The following SLCO5A1 variants were observed in gnomAD, a reference collection of about 807,000 sequenced individuals.
The protein encoded by SLCO5A1 is solute carrier organic anion transporter family member 5A1, also known as organic anion transporter polypeptide-related protein 4.
Under a neutral mutation model 65.1 loss-of-function variants are expected in SLCO5A1, and 39 were observed. That is an observed-to-expected ratio of 0.60 (90% CI 0.46 to 0.78). The LOEUF is 0.78. Among genes scored for constraint, SLCO5A1 ranks in the 30% least tolerant of loss-of-function variants. SLCO5A1 has a pLI of 0.00. For missense variants in SLCO5A1, 1,029 were observed against 1,069.4 expected, an observed-to-expected ratio of 0.96 and a Z score of 0.53; for synonymous variants, 438 against 415.7, an observed-to-expected ratio of 1.05 and a Z score of -0.65.
At chr8:69,685,173 T>A (rs1054995665) in intron 6 of SLCO5A1, among the ~76,000 whole-genome samples, 4 of 152,252 alleles carry the variant, frequency 2.6e-5, no homozygotes, top group Non-Finnish European at 5.9e-5. Flanking sequence ...GTGATCATGG[T>A]ACACACACAA....
chr8:69,802,030 C>T (rs754563906), intron 2 of SLCO5A1, among the ~76,000 whole-genome samples: 5 of 152,154 alleles, frequency 3.3e-5, no homozygotes, highest in Non-Finnish European at 4.4e-5. Flanking sequence ...GAGAGTAGGA[C>T]TTGCTAGATT....
chr8:69,827,556 G>A (rs1226312879), intron 2 of SLCO5A1, among the ~76,000 whole-genome samples: 6 of 152,180 alleles, frequency 3.9e-5, no homozygotes, highest in East Asian at 3.9e-4. Flanking sequence ...TGGTTTTTAC[G>A]TTGCTGCAGA....
rs1305972675 is a variant in SLCO5A1, at chr8:69,671,205, T to G, written c.*1664A>C. ...AACCAAGAGAACTGTTTGACCAATG[T>G]CATTCCTAGGAAGAGAGGGAAACAG... On this transcript the variant is annotated 3_prime_UTR_variant, in exon 10 of 10. Transcript: ENST00000260126. 1 of 152,192 alleles carries G rather than the reference T, an allele frequency of 6.6e-6. No individual in the cohort carries two copies. Among genetic ancestry groups the G allele is most frequent in the African/African-American group, 2.4e-5 (1 of 41,426 alleles). The allele number at this position is 152,192 out of a possible 1,614,324, so 9.4% of individuals were successfully genotyped here. A position where few individuals can be genotyped will look rare whatever the true frequency, so the allele number is the denominator to read the frequency against.
intron 2 of SLCO5A1, among the ~76,000 whole-genome samples, chr8:69,767,092 A>G (rs1818091871): frequency 6.6e-6 from 1 of 152,128 alleles, no homozygotes; most frequent in Non-Finnish European, 1.5e-5. Flanking sequence ...TTACACCTTC[A>G]TTGGTTTTCT....
At chr8:69,826,970 T>A (rs570157851) in intron 2 of SLCO5A1, among the ~76,000 whole-genome samples, 2,595 of 151,638 alleles carry the variant, frequency 0.017, 73 homozygotes, top group African/African-American at 0.057. Context: ...TGCAGCCATA[T>A]AAAATGATGA....
At chr8:69,827,306 A>T (rs1237233739) in intron 2 of SLCO5A1, among the ~76,000 whole-genome samples, 3 of 151,964 alleles carry the variant, frequency 2.0e-5, no homozygotes, top group African/African-American at 4.8e-5. Context: ...ATAATATTTA[A>T]AAAAAGAGAA....
rs1245377994 is a variant in SLCO5A1, at chr8:69,710,944, T to C, written c.1424-5715A>G. Among the ~76,000 whole-genome samples, 7 of 152,190 alleles carry C rather than the reference T, an allele frequency of 4.6e-5. No individual in the cohort carries two copies. In the East Asian group the frequency reaches 1.4e-3, roughly 30 times the overall value. ...ATCAGAGAAAGATCCGAAGTTTGCT[T>C]TGGGGAATTATACGCGTCTTGGGAC... On this transcript the variant is annotated intron_variant, in intron 5 of 9. Coordinates refer to ENST00000260126, the MANE Select transcript of SLCO5A1 (RefSeq NM_030958.3).
intron 5 of SLCO5A1, among the ~76,000 whole-genome samples, chr8:69,724,280 C>A (rs1167806827): frequency 6.6e-6 from 1 of 152,120 alleles, no homozygotes; most frequent in Non-Finnish European, 1.5e-5. Flanking sequence ...AATAATGTAT[C>A]ACTGAATAAT....
chr8:69,806,542 C>T (rs963052769), intron 2 of SLCO5A1, among the ~76,000 whole-genome samples: 1 of 152,098 alleles, frequency 6.6e-6, no homozygotes, highest in African/African-American at 2.4e-5. Context: ...GTTATTATGC[C>T]TAAATTAACA....
chr8:69,710,743 C>G (rs753187084), intron 5 of SLCO5A1, among the ~76,000 whole-genome samples: 27 of 152,284 alleles, frequency 1.8e-4, no homozygotes, highest in Non-Finnish European at 3.8e-4. Flanking sequence ...TCCTAATTAG[C>G]ATTAGGCTCT....
chr8:69,757,161 C>T (rs1026454257), intron 3 of SLCO5A1, among the ~76,000 whole-genome samples: 4 of 152,130 alleles, frequency 2.6e-5, no homozygotes, highest in African/African-American at 9.7e-5. Context: ...ATTTAGTGTG[C>T]TATTTTCAAA....
At chr8:69,738,714 T>A (rs1299728703) in intron 4 of SLCO5A1, among the ~76,000 whole-genome samples, 1 of 152,122 alleles carries the variant, frequency 6.6e-6, no homozygotes, top group Non-Finnish European at 1.5e-5. Context: ...AAACAGGAAA[T>A]AGTCACAGTT....
At chr8:69,704,928 C>T in intron 6 of SLCO5A1, 103 bp downstream of exon 6, 3 of 1,063,394 alleles carry the variant, frequency 2.8e-6, no homozygotes, top group Non-Finnish European at 1.4e-6. Context: ...ACAGGGAGAA[C>T]AGCTTGGAGG....
chr8:69,674,827 C>G (rs1813481416), intron 9 of SLCO5A1, among the ~76,000 whole-genome samples: 1 of 150,962 alleles, frequency 6.6e-6, no homozygotes, highest in African/African-American at 2.4e-5. Flanking sequence ...TCAAGACCAG[C>G]CTGGCCAACA....
chr8:69,790,147 A>G (rs1421087227), intron 2 of SLCO5A1, among the ~76,000 whole-genome samples: 2 of 149,434 alleles, frequency 1.3e-5, no homozygotes, highest in African/African-American at 2.5e-5. Flanking sequence ...AGCCGAGATC[A>G]TGCCACTGCA....
At position 69,747,449 on chromosome 8, in the gene SLCO5A1, G is replaced by T. The variant is rs138763361; in HGVS notation, c.1258+7975C>A. Among the ~76,000 whole-genome samples the T allele has an allele frequency of 8.9e-3, 1,362 of 152,194 alleles. 19 individuals are homozygous for T. Among genetic ancestry groups the T allele is most frequent in the African/African-American group, 0.031 (1,282 of 41,512 alleles). Reference sequence around the variant, plus strand: ...AAAAAAAAAATGAATGGGTGCATCTGTATTGAACACATCAGACTTTTTTAT... The same window carrying T: ...AAAAAAAAAATGAATGGGTGCATCTTTATTGAACACATCAGACTTTTTTAT... On this transcript the variant is annotated intron_variant, in intron 4 of 9. Coordinates refer to ENST00000260126, the MANE Select transcript of SLCO5A1 (RefSeq NM_030958.3).
At chr8:69,813,757 T>C (rs1416182860) in intron 2 of SLCO5A1, among the ~76,000 whole-genome samples, 1 of 152,056 alleles carries the variant, frequency 6.6e-6, no homozygotes, top group East Asian at 1.9e-4. Context: ...AGAACCAAAG[T>C]ACTAGAACAC....
At chr8:69,762,146 C>A (rs531608931) in intron 2 of SLCO5A1, among the ~76,000 whole-genome samples, 1 of 50,528 alleles carries the variant, frequency 2.0e-5, no homozygotes, top group African/African-American at 5.8e-5. Context: ...TTCTTTCTTT[C>A]TTTCTTTCTT....
rs543805286 is a variant in SLCO5A1, at chr8:69,706,194, A to G, written c.1424-965T>C. Among the ~76,000 whole-genome samples, 4 of 152,356 alleles carry G rather than the reference A, an allele frequency of 2.6e-5. No homozygotes were observed. In the South Asian group the frequency reaches 8.3e-4, roughly 32 times the overall value. Reference sequence around the variant, plus strand: ...AACCACATGCAGCAGAATGCACAAGACATCACTACGTTGGTATGAAGTTCA... The same window carrying G: ...AACCACATGCAGCAGAATGCACAAGGCATCACTACGTTGGTATGAAGTTCA... On this transcript the variant is annotated intron_variant, in intron 5 of 9. Coordinates refer to ENST00000260126, the MANE Select transcript of SLCO5A1 (RefSeq NM_030958.3).
Sources: gnomAD v4.1 joint callset for allele counts (sites outside exome capture counted in the v4.1 genomes callset) on GRCh38, gnomAD v4.1.1 for gene constraint, MANE v1.5 for transcripts, NCBI Gene and HGNC (gene_info 2026-07-23, HGNC 2026-07-21) for gene names.